DLGAP2: variants seen among roughly 807,000 people sequenced by gnomAD.
DLGAP2 encodes the protein DLG associated protein 2.
A neutral mutation model predicts 100.3 loss-of-function variants in DLGAP2; 26 were observed. That is an observed-to-expected ratio of 0.26 (90% confidence interval 0.19 to 0.36). The LOEUF (loss-of-function observed/expected upper bound fraction) is 0.36. Among genes scored for constraint, DLGAP2 ranks in the 10% least tolerant of loss-of-function variants. The pLI, the probability that DLGAP2 is intolerant of heterozygous loss-of-function variation, is 1.00. For missense variants in DLGAP2, 1,858 were observed against 1,453.2 expected (o/e 1.28, Z -4.53); for synonymous variants, 886 against 630.1 (o/e 1.41, Z -6.08).
intron 2 of DLGAP2, among the ~76,000 whole-genome samples, chr8:1,076,161 C>T (rs1039014576): frequency 2.6e-5 from 4 of 152,226 alleles, no homozygotes; most frequent in Non-Finnish European, 4.4e-5. Context: ...GCAGCACAAG[C>T]TTGCCTGTCC....
intron 2 of DLGAP2, among the ~76,000 whole-genome samples, chr8:1,188,901 TCTC>T (rs1243162797): frequency 1.3e-5 from 2 of 152,254 alleles, no homozygotes; most frequent in East Asian, 1.9e-4. Context: ...TGCCACATCT[TCTC>T]CTCACACAGG....
In DLGAP2 at chr8:1,188,471, C is replaced by A. The variant is rs555256155; in HGVS notation, c.74-70380C>A. ...TTTCCCTCACGGAATCTCGCACGCC[C>A]GGGACTTCCGTGACGTTTCCCTCAC... On this transcript the variant is annotated intron_variant, in intron 2 of 14. Coordinates refer to ENST00000637795, the MANE Select transcript of DLGAP2 (RefSeq NM_001346810.2). Among the ~76,000 whole-genome samples, 8 of 137,066 alleles carry A rather than the reference C, an allele frequency of 5.8e-5. 2 individuals are homozygous for A. The highest frequency in any genetic ancestry group is 2.7e-4 in the African/African-American group (8 of 29,590). The allele number at this position is 137,066 out of a possible 152,430, so 89.9% of individuals were successfully genotyped here. A position where few individuals can be genotyped will look rare whatever the true frequency, so the allele number is the denominator to read the frequency against.
At chr8:808,410 A>C (rs1464120473) in intron 1 of DLGAP2, among the ~76,000 whole-genome samples, 1 of 152,124 alleles carries the variant, frequency 6.6e-6, no homozygotes, top group East Asian at 1.9e-4. Context: ...GGGTCTGCTG[A>C]GATCCAGGAA....
At chr8:854,530 G>C (rs1182508034) in intron 1 of DLGAP2, among the ~76,000 whole-genome samples, 1 of 151,992 alleles carries the variant, frequency 6.6e-6, no homozygotes, top group Non-Finnish European at 1.5e-5. Context: ...GGTGAGAGAG[G>C]GCCGGACTGA....
intron 3 of DLGAP2, among the ~76,000 whole-genome samples, chr8:1,435,514 G>T (rs145969910): frequency 6.0e-4 from 92 of 152,312 alleles, no homozygotes; most frequent in African/African-American, 2.1e-3. Flanking sequence ...TGCAGCCACC[G>T]TACGGAAGTG....
chr8:1,537,144 T>C (rs1801180769), intron 4 of DLGAP2, among the ~76,000 whole-genome samples: 3 of 152,146 alleles, frequency 2.0e-5, no homozygotes, highest in Non-Finnish European at 4.4e-5. Context: ...CTCTGCAGCC[T>C]GGCTGTCAAG....
chr8:1,381,625 T>C (rs1165231883), intron 3 of DLGAP2, among the ~76,000 whole-genome samples: 3 of 152,204 alleles, frequency 2.0e-5, no homozygotes, highest in Non-Finnish European at 2.9e-5. Context: ...TCTGTGCTTC[T>C]GGGAATCTGG....
chr8:913,363 A>G (rs1184528824), intron 2 of DLGAP2, among the ~76,000 whole-genome samples: 1 of 152,182 alleles, frequency 6.6e-6, no homozygotes, highest in Middle Eastern at 3.2e-3. Context: ...TTCATGATGG[A>G]CAAATAAAGG....
chr8:1,163,303 G>C (rs1796927815), intron 2 of DLGAP2, among the ~76,000 whole-genome samples: 1 of 152,222 alleles, frequency 6.6e-6, no homozygotes, highest in South Asian at 2.1e-4. Flanking sequence ...GGACCACGCG[G>C]GCTGTGCCGC....
intron 5 of DLGAP2, among the ~76,000 whole-genome samples, chr8:1,564,067 C>T (rs980274984): frequency 6.6e-6 from 1 of 152,180 alleles, no homozygotes; most frequent in Non-Finnish European, 1.5e-5. Flanking sequence ...TGACTACAGA[C>T]TGTGGGTGAT....
chr8:1,303,402 C>CAAAAA lies in DLGAP2; in HGVS notation c.106+44540_106+44544dup, dbSNP rs374350701. 6.0e-4 allele frequency among the ~76,000 whole-genome samples: 75 copies of CAAAAA among 125,332 alleles called. 1 individual carries two copies. Among genetic ancestry groups the CAAAAA allele is most frequent in the Non-Finnish European group, 9.4e-4 (54 of 57,492 alleles). The allele number at this position is 125,332 out of a possible 152,430, so 82.2% of individuals were successfully genotyped here. On this transcript the variant is annotated intron_variant, in intron 3 of 14. Transcript: ENST00000637795. ...ACAGAGCGAGACTCCGTCTCAAAAA[C>CAAAAA]AAAAAAAAAAAAAAAAAAAAAAAAA... is the stretch of plus-strand genomic sequence containing the variant.
At chr8:908,470 G>A (rs1283441280) in intron 2 of DLGAP2, among the ~76,000 whole-genome samples, 1 of 152,162 alleles carries the variant, frequency 6.6e-6, no homozygotes, top group Non-Finnish European at 1.5e-5. Flanking sequence ...TGAAGTGGGA[G>A]ATGCATCTCT....
At chr8:1,473,351 G>A (rs920967752) in intron 3 of DLGAP2, among the ~76,000 whole-genome samples, 6 of 152,362 alleles carry the variant, frequency 3.9e-5, no homozygotes, top group African/African-American at 1.4e-4. Flanking sequence ...GCCACTCAGG[G>A]ATGAGAGGAA....
intron 5 of DLGAP2, among the ~76,000 whole-genome samples, chr8:1,559,236 CAG>C (rs1231019121): frequency 6.6e-6 from 1 of 152,160 alleles, no homozygotes; most frequent in African/African-American, 2.4e-5. Context: ...ACTGGATTTG[CAG>C]AGTCTGGTAG....
chr8:1,381,582 G>C (rs757982942), intron 3 of DLGAP2, among the ~76,000 whole-genome samples: 23 of 152,232 alleles, frequency 1.5e-4, no homozygotes, highest in Non-Finnish European at 2.5e-4. Context: ...TCCCCGTTCC[G>C]CTTTCCCTGG....
intron 3 of DLGAP2, among the ~76,000 whole-genome samples, chr8:1,492,367 C>T (rs1477791852): frequency 6.6e-6 from 1 of 152,118 alleles, no homozygotes; most frequent in East Asian, 1.9e-4. Context: ...ATTAGGGAAG[C>T]GGCTCAAATG....
chr8:1,251,172 A>T (rs936749441), intron 2 of DLGAP2, among the ~76,000 whole-genome samples: 1 of 152,212 alleles, frequency 6.6e-6, no homozygotes, highest in Non-Finnish European at 1.5e-5. Flanking sequence ...TCTCCCTGAG[A>T]ACTAACTTCT....
intron 1 of DLGAP2, among the ~76,000 whole-genome samples, chr8:846,222 C>T (rs1459657328): frequency 2.0e-5 from 3 of 152,160 alleles, no homozygotes; most frequent in Non-Finnish European, 4.4e-5. Context: ...GTGCAACAGA[C>T]CACCAGAACT....
intron 1 of DLGAP2, among the ~76,000 whole-genome samples, chr8:757,063 G>A (rs967001141): frequency 6.6e-6 from 1 of 152,046 alleles, no homozygotes; most frequent in Non-Finnish European, 1.5e-5. Context: ...TCCCGCCATG[G>A]GGCCTTTGCA....
Sources: allele counts gnomAD v4.1 joint callset (sites outside exome capture counted in the v4.1 genomes callset), GRCh38; gene constraint gnomAD v4.1.1; transcripts MANE v1.5; gene names NCBI Gene and HGNC (gene_info 2026-07-23, HGNC 2026-07-21).